Variants in CDH13 observed in about 807,000 individuals in gnomAD.
CDH13 encodes the protein cadherin-13.
CDH13 carries 24 observed loss-of-function variants against 63.8 expected under a neutral mutation model. The ratio of observed to expected loss-of-function variants is 0.38; its 90% confidence interval spans 0.27 to 0.53. CDH13 has a LOEUF of 0.53. Among genes scored for constraint, CDH13 ranks in the 20% least tolerant of loss-of-function variants. The pLI is 0.85. For missense variants in CDH13, 1,049 were observed against 903.1 expected (o/e 1.16, Z -2.07); for synonymous variants, 503 against 355.3 (o/e 1.42, Z -4.67).
chr16:83,191,765 T>C (rs1266790706), intron 4 of CDH13, among the ~76,000 whole-genome samples: 1 of 151,786 alleles, frequency 6.6e-6, no homozygotes, highest in African/African-American at 2.4e-5. Flanking sequence ...GTCTAGGCTT[T>C]TCACGTTTTT....
chr16:82,962,110 T>A (rs1415126850), intron 2 of CDH13, among the ~76,000 whole-genome samples: 1 of 151,830 alleles, frequency 6.6e-6, no homozygotes. Context: ...GGCAAAAGAG[T>A]CTTTGCAGAG....
Position 83,554,032 on chromosome 16 carries a change from T to C in CDH13, c.961-48422T>C, listed in dbSNP as rs1187976244. Among the ~76,000 whole-genome samples, 5 of 152,198 alleles carry C rather than the reference T, an allele frequency of 3.3e-5. No homozygotes were observed. In the East Asian group the frequency reaches 9.6e-4, roughly 29 times the overall value. On this transcript the variant is annotated intron_variant, in intron 7 of 13. Transcript: ENST00000567109. ...CCTGTGTCTCTGTCTGTTTTCTTAA[T>C]AATGCCTAGGAATGGAATTACTAGG...
At chr16:83,005,903 C>T (rs1436231807) in intron 2 of CDH13, among the ~76,000 whole-genome samples, 1 of 152,184 alleles carries the variant, frequency 6.6e-6, no homozygotes, top group East Asian at 1.9e-4. Context: ...AGATAGCAGA[C>T]ATTAAAAGAT....
At chr16:82,721,012 A>G (rs2032736664) in intron 1 of CDH13, among the ~76,000 whole-genome samples, 1 of 152,236 alleles carries the variant, frequency 6.6e-6, no homozygotes, top group Non-Finnish European at 1.5e-5. Context: ...TGAAGCCATG[A>G]TAATTACTGG....
At chr16:83,621,250 A>G (rs1387300871) in intron 8 of CDH13, among the ~76,000 whole-genome samples, 3 of 152,156 alleles carry the variant, frequency 2.0e-5, no homozygotes, top group Admixed American at 1.3e-4. Flanking sequence ...TGCCGGATTC[A>G]GTGGCAGCCA....
chr16:82,820,941 T>C (rs7186984), intron 1 of CDH13, among the ~76,000 whole-genome samples: 47,615 of 152,018 alleles, frequency 0.31, 8,631 homozygotes, highest in Non-Finnish European at 0.41. Context: ...GGTAAGTCTG[T>C]GGGACCTGCC....
chr16:82,858,345 G>C lies in CDH13; in HGVS notation c.46-17G>C, dbSNP rs548398830. ...CATAAGCCGCTATTAAAATATTGAT[G>C]GCTTTGGTTTTCTCAGGTGCTGCTG... On this transcript the variant is annotated splice_polypyrimidine_tract_variant and intron_variant, in intron 1 of 13. Coordinates refer to ENST00000567109, the MANE Select transcript of CDH13 (RefSeq NM_001257.5). 12 of 1,560,110 alleles carry C rather than the reference G, an allele frequency of 7.7e-6. No individual in the cohort carries two copies. The highest frequency in any genetic ancestry group is 5.4e-5 in the African/African-American group (4 of 74,030).
At chr16:82,667,022 C>G (rs528824991) in intron 1 of CDH13, among the ~76,000 whole-genome samples, 1 of 152,136 alleles carries the variant, frequency 6.6e-6, no homozygotes, top group Non-Finnish European at 1.5e-5. Context: ...CAAGCCAACT[C>G]GGAGCCTTCT....
chr16:83,020,397 C>G (rs887842857), intron 2 of CDH13, among the ~76,000 whole-genome samples: 2 of 152,116 alleles, frequency 1.3e-5, no homozygotes, highest in African/African-American at 4.8e-5. Flanking sequence ...CCCCACTGCC[C>G]TCTGTGGGAA....
intron 5 of CDH13, among the ~76,000 whole-genome samples, chr16:83,231,345 C>A (rs1475881385): frequency 2.0e-5 from 3 of 152,158 alleles, no homozygotes; most frequent in Non-Finnish European, 2.9e-5. Context: ...AGGTTCAGGG[C>A]TCTCCGAGGG....
intron 11 of CDH13, among the ~76,000 whole-genome samples, chr16:83,757,810 C>T (rs1224190018): frequency 6.6e-6 from 1 of 151,842 alleles, no homozygotes; most frequent in Non-Finnish European, 1.5e-5. Context: ...GACAAGTTTC[C>T]CCAAAATTAA....
At chr16:83,240,266 C>T (rs1346755929) in intron 5 of CDH13, among the ~76,000 whole-genome samples, 3 of 151,844 alleles carry the variant, frequency 2.0e-5, no homozygotes, top group African/African-American at 2.4e-5. Flanking sequence ...GTGTAGGGAA[C>T]GTAGGCCTGG....
chr16:82,767,597 C>A (rs1321553147), intron 1 of CDH13, among the ~76,000 whole-genome samples: 3 of 152,182 alleles, frequency 2.0e-5, no homozygotes, highest in African/African-American at 7.2e-5. Context: ...CTTTAACTTC[C>A]CCAGCATAGT....
At chr16:83,621,475 C>CTTT (rs72032168) in intron 8 of CDH13, among the ~76,000 whole-genome samples, 8,067 of 28,456 alleles carry the variant, frequency 0.28, 3,598 homozygotes, top group Admixed American at 0.33. Context: ...CCTCACCTGC[C>CTTT]TTTTTTTTTT....
intron 1 of CDH13, among the ~76,000 whole-genome samples, chr16:82,744,748 C>G (rs533056444): frequency 6.6e-6 from 1 of 152,140 alleles, no homozygotes; most frequent in Non-Finnish European, 1.5e-5. Context: ...CATTTAAGCT[C>G]CACCACCTAT....
In CDH13 at chr16:83,625,288, G is replaced by A. The variant is rs146982063; in HGVS notation, c.1101+22694G>A. Among the ~76,000 whole-genome samples the A allele has an allele frequency of 5.8e-4, 89 of 152,212 alleles. 2 individuals are homozygous for A. The East Asian group carries it at 0.013, about 22-fold the overall frequency. ...GACCCTGTGTTATCTTTGCAGATCCGTGGTCTCAGGCCATGCTTAATTCTT... is the reference window on the plus strand; with the variant it reads ...GACCCTGTGTTATCTTTGCAGATCCATGGTCTCAGGCCATGCTTAATTCTT... On this transcript the variant is annotated intron_variant, in intron 8 of 13. Transcript: ENST00000567109.
At chr16:82,639,548 G>A (rs1340017170) in intron 1 of CDH13, 1 of 865,270 alleles carries the variant, frequency 1.2e-6, no homozygotes, top group Admixed American at 2.0e-5. Context: ...CTAAGTCAGT[G>A]CTTCCTGCAA....
intron 6 of CDH13, among the ~76,000 whole-genome samples, chr16:83,433,587 G>A (rs1324238753): frequency 6.6e-6 from 1 of 152,184 alleles, no homozygotes; most frequent in Non-Finnish European, 1.5e-5. Context: ...TTGTGAGCTT[G>A]GGGATGAGGG....
At chr16:83,445,901 C>G (rs1371383583) in intron 6 of CDH13, among the ~76,000 whole-genome samples, 1 of 152,124 alleles carries the variant, frequency 6.6e-6, no homozygotes, top group East Asian at 1.9e-4. Context: ...GAACAACAGA[C>G]AGTTCAGAGA....
Sources: gnomAD v4.1 joint callset for allele counts (sites outside exome capture counted in the v4.1 genomes callset) on GRCh38, gnomAD v4.1.1 for gene constraint, MANE v1.5 for transcripts, NCBI Gene and HGNC (gene_info 2026-07-23, HGNC 2026-07-21) for gene names.